The following DDAH1 variants were observed in gnomAD, a reference collection of about 807,000 sequenced individuals.
DDAH1 encodes the protein N(G),N(G)-dimethylarginine dimethylaminohydrolase 1.
In DDAH1, 19 loss-of-function variants were observed where a neutral mutation model predicts 28.8. The ratio of observed to expected loss-of-function variants is 0.66; its 90% CI spans 0.46 to 0.97. The LOEUF is 0.97. Among genes scored for constraint, DDAH1 ranks in the 50% least tolerant of loss-of-function variants. The pLI is 0.00. For missense variants in DDAH1, 326 were observed against 375.9 expected (o/e 0.87, Z 1.10); for synonymous variants, 153 against 154.4 (o/e 0.99, Z 0.07).
chr1:85,322,502 T>G (rs1213438624), intron 5 of DDAH1, among the ~76,000 whole-genome samples: 3 of 152,214 alleles, frequency 2.0e-5, no homozygotes, highest in Admixed American at 2.0e-4. Flanking sequence ...CTCCTGTGCT[T>G]CTTTAGGAAG....
intron 1 of DDAH1, chr1:85,404,302 T>G: frequency 1.4e-6 from 2 of 1,425,100 alleles, no homozygotes; most frequent in South Asian, 1.3e-5. Flanking sequence ...TACATGAAAC[T>G]TCTGCCTGTA....
At chr1:85,456,691 A>G (rs994700772) in intron 1 of DDAH1, among the ~76,000 whole-genome samples, 1 of 152,230 alleles carries the variant, frequency 6.6e-6, no homozygotes, top group Admixed American at 6.5e-5. Flanking sequence ...AACTTAAGAT[A>G]CGTTTATCCG....
chr1:85,529,702 G>T (rs1213138331), intron 1 of DDAH1, among the ~76,000 whole-genome samples: 1 of 140,630 alleles, frequency 7.1e-6, no homozygotes, highest in Non-Finnish European at 1.5e-5. Flanking sequence ...GTAGATTGTG[G>T]GTGGCAGAGG....
intron 1 of DDAH1, among the ~76,000 whole-genome samples, chr1:85,560,165 C>T (rs1368191737): frequency 6.6e-6 from 1 of 152,070 alleles, no homozygotes; most frequent in Admixed American, 6.5e-5. Flanking sequence ...ACATCTTTAA[C>T]ATGCTAAAAG....
intron 1 of DDAH1, among the ~76,000 whole-genome samples, chr1:85,385,707 G>T (rs991139815): frequency 3.3e-5 from 5 of 152,166 alleles, no homozygotes; most frequent in Admixed American, 1.3e-4. Flanking sequence ...GTGACCTTGG[G>T]CTATTACTCC....
chr1:85,507,786 T>C (rs901151254), intron 1 of DDAH1, among the ~76,000 whole-genome samples: 2 of 152,180 alleles, frequency 1.3e-5, no homozygotes, highest in African/African-American at 4.8e-5. Context: ...GCTCCCCCAG[T>C]CCTTCTCCCC....
At chr1:85,544,600 G>A (rs958367284) in intron 1 of DDAH1, among the ~76,000 whole-genome samples, 1 of 152,114 alleles carries the variant, frequency 6.6e-6, no homozygotes, top group African/African-American at 2.4e-5. Context: ...CATCCAGCCA[G>A]CCCTACCTAT....
intron 1 of DDAH1, among the ~76,000 whole-genome samples, chr1:85,426,921 C>CAAAAAAAAA (rs10680800): frequency 1.6e-4 from 19 of 120,430 alleles, no homozygotes; most frequent in South Asian, 2.8e-4. Context: ...TTAAAAAAAA[C>CAAAAAAAAA]AAAAAAAAAA....
chr1:85,375,482 C>T (rs1016486458), intron 1 of DDAH1, among the ~76,000 whole-genome samples: 3 of 152,136 alleles, frequency 2.0e-5, no homozygotes, highest in Admixed American at 2.0e-4. Flanking sequence ...TCAACTGTCA[C>T]ATTCTACTCA....
chr1:85,440,371 C>T (rs932273404), intron 1 of DDAH1, among the ~76,000 whole-genome samples: 3 of 152,154 alleles, frequency 2.0e-5, no homozygotes, highest in Non-Finnish European at 1.5e-5. Context: ...TTGCTATTAG[C>T]CTCTCTCCTC....
At chr1:85,392,630 TAA>T (rs1037415420) in intron 1 of DDAH1, among the ~76,000 whole-genome samples, 10 of 151,306 alleles carry the variant, frequency 6.6e-5, no homozygotes, top group African/African-American at 2.4e-4. Context: ...CTGTCTGTAC[TAA>T]AAATACAAAA....
chr1:85,358,211 T>G (rs1649586451), intron 2 of DDAH1, among the ~76,000 whole-genome samples: 1 of 152,216 alleles, frequency 6.6e-6, no homozygotes. Flanking sequence ...AATATGCAAA[T>G]GTATATATAC....
At position 85,358,792 on chromosome 1, in the gene DDAH1, T is replaced by G; in HGVS notation, c.359A>C (p.Lys120Thr). 4.3e-6 allele frequency: 7 copies of G among 1,612,978 alleles called. No homozygotes were observed. The highest frequency in any genetic ancestry group is 5.9e-6 in the Non-Finnish European group (7 of 1,179,500). The change falls in exon 2 of 6, where the codon AAA (lysine) becomes ACA (threonine). Residue 120 changes from lysine to threonine, a missense_variant. Lys to Thr is a moderately conservative substitution (Grantham distance 78). Coordinates refer to ENST00000284031, the MANE Select transcript of DDAH1 (RefSeq NM_012137.4). ...EKLQLNIVEM[K>T]DENATLDGGD... is the part of the protein sequence containing the mutation. ...GCCATCTAAAGTTGCATTTTCATCTTTCATCTCTACTATATTGAGCTGAAG... is the reference window on the plus strand; with the variant it reads ...GCCATCTAAAGTTGCATTTTCATCTGTCATCTCTACTATATTGAGCTGAAG...
chr1:85,519,790 A>C (rs1188197870), intron 1 of DDAH1, among the ~76,000 whole-genome samples: 1 of 152,180 alleles, frequency 6.6e-6, no homozygotes, highest in African/African-American at 2.4e-5. Context: ...CACAAACATT[A>C]ATTAATATAT....
At chr1:85,434,064 T>A (rs940369978) in intron 1 of DDAH1, among the ~76,000 whole-genome samples, 1 of 152,200 alleles carries the variant, frequency 6.6e-6, no homozygotes, top group African/African-American at 2.4e-5. Context: ...TCAAAGTGAT[T>A]GATTTTTCCT....
intron 1 of DDAH1, among the ~76,000 whole-genome samples, chr1:85,550,135 T>A (rs115172493): frequency 6.6e-6 from 1 of 152,346 alleles, no homozygotes; most frequent in Non-Finnish European, 1.5e-5. Context: ...ACATATTCTA[T>A]ATTTTAGATA....
intron 2 of DDAH1, among the ~76,000 whole-genome samples, chr1:85,488,699 C>T (rs1430953106): frequency 1.3e-5 from 2 of 152,174 alleles, no homozygotes; most frequent in African/African-American, 4.8e-5. Context: ...ACTGGGAAAA[C>T]TGAAGCTGTC....
intron 1 of DDAH1, among the ~76,000 whole-genome samples, chr1:85,400,494 T>A (rs1832883): frequency 6.6e-6 from 1 of 152,146 alleles, no homozygotes; most frequent in Non-Finnish European, 1.5e-5. Context: ...TGAGCCACTG[T>A]GCCTGGCCTA....
intron 4 of DDAH1, among the ~76,000 whole-genome samples, chr1:85,330,735 A>C (rs1452104883): frequency 6.6e-6 from 1 of 152,212 alleles, no homozygotes; most frequent in East Asian, 1.9e-4. Context: ...ATGGAAACTA[A>C]TTTGAGTGAT....
Sources: gnomAD v4.1 joint callset for allele counts (sites outside exome capture counted in the v4.1 genomes callset) on GRCh38, gnomAD v4.1.1 for gene constraint, MANE v1.5 for transcripts, NCBI Gene and HGNC (gene_info 2026-07-23, HGNC 2026-07-21) for gene names.